CYLD: variants seen among roughly 807,000 people sequenced by gnomAD.
The protein encoded by CYLD is CYLD lysine 63 deubiquitinase.
Under a neutral mutation model 104.5 loss-of-function variants are expected in CYLD, and 26 were observed. The ratio of observed to expected loss-of-function variants is 0.25; its 90% CI spans 0.18 to 0.35. CYLD has a LOEUF of 0.35. CYLD is among the 10% of genes least tolerant of loss of function. The probability of loss-of-function intolerance (pLI) is 1.00; values close to 1 mark genes in which losing one functional copy is unlikely to be tolerated. For missense variants in CYLD, 703 were observed against 1,136.1 expected (o/e 0.62, Z 5.48); for synonymous variants, 385 against 399.9 (o/e 0.96, Z 0.45).
intron 6 of CYLD, among the ~76,000 whole-genome samples, chr16:50,775,491 C>T (rs1188876601): frequency 6.6e-6 from 1 of 152,102 alleles, no homozygotes; most frequent in Non-Finnish European, 1.5e-5. Context: ...TGTTTGTATA[C>T]ACATCTGTGT....
chr16:50,753,283 T>C (rs1439258162), intron 4 of CYLD, among the ~76,000 whole-genome samples: 1 of 152,198 alleles, frequency 6.6e-6, no homozygotes, highest in Admixed American at 6.5e-5. Flanking sequence ...AATTCAGTCT[T>C]TATTTCAAGG....
intron 3 of CYLD, 141 bp downstream of exon 3, chr16:50,750,343 C>T (rs910961252): frequency 3.1e-5 from 31 of 991,840 alleles, no homozygotes; most frequent in African/African-American, 4.8e-5. Flanking sequence ...TATTCATCAT[C>T]CTTGCTGATG....
At chr16:50,761,482 G>T (rs1376722408) in intron 5 of CYLD, among the ~76,000 whole-genome samples, 1 of 152,126 alleles carries the variant, frequency 6.6e-6, no homozygotes, top group Non-Finnish European at 1.5e-5. Flanking sequence ...GCTCATCTCT[G>T]TTCTCTGCTC....
chr16:50,792,578 A>G lies in CYLD; in HGVS notation c.2242-19A>G. The G allele has an allele frequency of 6.5e-7, 1 of 1,547,772 alleles. No individual in the cohort carries two copies. On this transcript the variant is annotated intron_variant, in intron 15 of 18. Coordinates refer to ENST00000427738, the MANE Select transcript of CYLD (RefSeq NM_001378743.1). The stretch of plus-strand genomic sequence containing the variant: ...TTTTTTTAACACTTTGATTCTAAAA[A>G]TATCTGTCTTTTTTATAGGCACCAT...
rs1972252647 is a variant in CYLD, at chr16:50,798,756, A to G, written c.*2248A>G. ...CTGTTTGGATGGACACCTGGTTTCA[A>G]AAGTCAGGTGTGGAGACTGTTAAAT... On this transcript the variant is annotated 3_prime_UTR_variant, in exon 19 of 19. Coordinates refer to ENST00000427738, the MANE Select transcript of CYLD (RefSeq NM_001378743.1). 4.3e-6 allele frequency: 1 copy of G among 233,326 alleles called. No individual in the cohort carries two copies. The highest frequency in any genetic ancestry group is 1.8e-4 in the South Asian group (1 of 5,540). The allele number at this position is 233,326 out of a possible 1,614,324, so 14.5% of individuals were successfully genotyped here.
intron 5 of CYLD, among the ~76,000 whole-genome samples, chr16:50,762,161 C>T (rs1009762385): frequency 3.9e-5 from 6 of 152,086 alleles, no homozygotes; most frequent in Admixed American, 3.3e-4. Flanking sequence ...CATCATCCAC[C>T]CCCCGCCACC....
chr16:50,774,698 G>A (rs938951905), intron 5 of CYLD, among the ~76,000 whole-genome samples: 4 of 152,170 alleles, frequency 2.6e-5, no homozygotes, highest in African/African-American at 9.6e-5. Context: ...TTAGGATGGT[G>A]CAAGATTTCG....
chr16:50,785,204 TAGAG>T (rs1364320430), intron 12 of CYLD: 2 of 152,184 alleles, frequency 1.3e-5, no homozygotes, highest in African/African-American at 4.8e-5. Context: ...TTCAGGAATA[TAGAG>T]AGAAAGTGAT....
intron 5 of CYLD, among the ~76,000 whole-genome samples, chr16:50,760,872 G>A (rs1967832617): frequency 6.6e-6 from 1 of 152,084 alleles, no homozygotes; most frequent in Non-Finnish European, 1.5e-5. Context: ...ATTGTTAATT[G>A]CCTTCAGTCG....
At position 50,796,742 on chromosome 16, in the gene CYLD, A is replaced by T. The variant is rs983951068; in HGVS notation, c.*234A>T. Reference sequence around the variant, plus strand: ...TTTGTGTTGGTTTTTTAAGAAGTCTAAATGAAGTTATTAATACCTGAAGCT... The same window carrying T: ...TTTGTGTTGGTTTTTTAAGAAGTCTTAATGAAGTTATTAATACCTGAAGCT... On this transcript the variant is annotated 3_prime_UTR_variant, in exon 19 of 19. Transcript: ENST00000427738. 1 of 535,144 alleles carries T rather than the reference A, an allele frequency of 1.9e-6. No individual in the cohort carries two copies. Among genetic ancestry groups the T allele is most frequent in the Non-Finnish European group, 3.4e-6 (1 of 295,572 alleles). The allele number at this position is 535,144 out of a possible 1,614,324, so 33.1% of individuals were successfully genotyped here. A position where few individuals can be genotyped will look rare whatever the true frequency, so the allele number is the denominator to read the frequency against.
At chr16:50,778,750 CTG>C (rs1271379626) in intron 8 of CYLD, among the ~76,000 whole-genome samples, 1 of 152,186 alleles carries the variant, frequency 6.6e-6, no homozygotes, top group Admixed American at 6.5e-5. Flanking sequence ...AGGCCTGACT[CTG>C]TGGTCTCCCA....
Position 50,766,524 on chromosome 16 carries a change from AT to A in CYLD, c.914-8639del, listed in dbSNP as rs564699493. 1.0e-3 allele frequency among the ~76,000 whole-genome samples: 159 copies of A among 152,346 alleles called. 1 individual carries two copies. Among genetic ancestry groups the A allele is most frequent in the Non-Finnish European group, 1.8e-3 (125 of 68,028 alleles). On this transcript the variant is annotated intron_variant, in intron 5 of 18. Transcript: ENST00000427738. ...GGAGTAATTTCTATTTGCAAGTTTT[AT>A]TTAAGAAATACATTCTGTAAGGCTG...
chr16:50,760,954 TACTA>T (rs1475033626), intron 5 of CYLD, among the ~76,000 whole-genome samples: 1 of 152,238 alleles, frequency 6.6e-6, no homozygotes, highest in East Asian at 1.9e-4. Flanking sequence ...GAGAGTGTGT[TACTA>T]ACTTTTTTCC....
intron 18 of CYLD, among the ~76,000 whole-genome samples, chr16:50,795,297 T>G (rs1185029421): frequency 6.6e-6 from 1 of 152,252 alleles, no homozygotes; most frequent in African/African-American, 2.4e-5. Context: ...AAGCCTCTTC[T>G]GCATGTAGTA....
chr16:50,791,560 C>T lies in CYLD; in HGVS notation c.2111C>T (p.Ser704Leu), dbSNP rs1285570918. The T allele has an allele frequency of 1.2e-6, 2 of 1,613,566 alleles. No individual in the cohort carries two copies. The highest frequency in any genetic ancestry group is 4.5e-5 in the East Asian group (2 of 44,816). The change falls in exon 15 of 19, where the codon TCA becomes TTA. Residue 704 changes from serine to leucine, a missense_variant and splice_region_variant. Ser to Leu is a moderately radical substitution (Grantham distance 145). Coordinates refer to ENST00000427738, the MANE Select transcript of CYLD (RefSeq NM_001378743.1). ...TTTTTTTCTCTGCGTGTTTTTAGAT[C>T]AGCAGGTCAAAAGGTACAAGATTGT... Reference protein sequence around the residue: ...LRVEPLLKIRSAGQKVQDCYF... With the variant: ...LRVEPLLKIRLAGQKVQDCYF...
At chr16:50,784,270 A>G (rs1006050325) in intron 11 of CYLD, 59 bp from the exon 12 acceptor site, 76 of 1,564,358 alleles carry the variant, frequency 4.9e-5, no homozygotes, top group Non-Finnish European at 6.3e-5. Flanking sequence ...TCTGTTAAAA[A>G]TCTGTTTCTT....
At chr16:50,773,392 T>C (rs1053422076) in intron 5 of CYLD, among the ~76,000 whole-genome samples, 1 of 152,224 alleles carries the variant, frequency 6.6e-6, no homozygotes, top group Non-Finnish European at 1.5e-5. Context: ...TGGTTTCTTT[T>C]GCTGAACACA....
chr16:50,760,170 A>G (rs1269798064), intron 5 of CYLD, among the ~76,000 whole-genome samples: 4 of 152,270 alleles, frequency 2.6e-5, no homozygotes, highest in African/African-American at 9.6e-5. Flanking sequence ...TAAATACTTC[A>G]GTGTGCATCT....
chr16:50,775,040 A>C, intron 5 of CYLD, 126 bp from the exon 6 acceptor site: 1 of 745,572 alleles, frequency 1.3e-6, no homozygotes, highest in Non-Finnish European at 2.2e-6. Flanking sequence ...CATATAATTC[A>C]TTTAGTAAAT....
Sources: allele counts gnomAD v4.1 joint callset (sites outside exome capture counted in the v4.1 genomes callset), GRCh38; gene constraint gnomAD v4.1.1; transcripts MANE v1.5; gene names NCBI Gene and HGNC (gene_info 2026-07-23, HGNC 2026-07-21).